AGO3: variants seen among roughly 807,000 people sequenced by gnomAD.
AGO3 encodes the protein argonaute RISC catalytic component 3.
In AGO3, 16 loss-of-function variants were observed where a neutral mutation model predicts 105.5. That is an observed-to-expected ratio of 0.15 (90% CI 0.10 to 0.23). The LOEUF is 0.23. Among genes scored for constraint, AGO3 ranks in the 10% least tolerant of loss-of-function variants. AGO3 has a pLI of 1.00. For synonymous variants in AGO3, 340 were observed against 367.3 expected, an observed-to-expected ratio of 0.93 and a Z score of 0.85; for missense variants, 534 against 1,088.0, an observed-to-expected ratio of 0.49 and a Z score of 7.16.
chr1:36,048,556 C>T lies in AGO3; in HGVS notation c.2274+5008C>T, dbSNP rs1298650425. Among the ~76,000 whole-genome samples, 9 of 151,836 alleles carry T rather than the reference C, an allele frequency of 5.9e-5. No individual in the cohort carries two copies. In the South Asian group the frequency reaches 1.9e-3, roughly 32 times the overall value. On this transcript the variant is annotated intron_variant, in intron 17 of 18. Coordinates refer to ENST00000373191, the MANE Select transcript of AGO3 (RefSeq NM_024852.4). ...TGTTGCTCTACAGAAAACCACCAAC[C>T]CACCATGATAATAAGAAGAAAGGAA...
At chr1:35,954,720 T>C (rs994424232) in intron 2 of AGO3, among the ~76,000 whole-genome samples, 1 of 152,226 alleles carries the variant, frequency 6.6e-6, no homozygotes, top group Non-Finnish European at 1.5e-5. Context: ...TTAAATTCCA[T>C]ATGGAGTGAC....
At chr1:36,054,765 C>G (rs565213414) in intron 17 of AGO3, among the ~76,000 whole-genome samples, 181 bp from the exon 18 acceptor site, 61 of 152,226 alleles carry the variant, frequency 4.0e-4, no homozygotes, top group African/African-American at 1.3e-3. Flanking sequence ...GCCTGTAATC[C>G]CAGCTACTGG....
chr1:36,037,730 A>G (rs1247572387), intron 14 of AGO3, among the ~76,000 whole-genome samples: 1 of 152,160 alleles, frequency 6.6e-6, no homozygotes, highest in South Asian at 2.1e-4. Flanking sequence ...AATGTTATAC[A>G]TGAATTATTT....
rs749909418 is a variant in AGO3, at chr1:36,009,564, A to G, written c.1119A>G (p.Ala373=). ...TGATCAAGGCAACAGCAAGATCTGCACCAGATAGACAAGAGGAAATTAGCA... is the reference window on the plus strand; with the variant it reads ...TGATCAAGGCAACAGCAAGATCTGCGCCAGATAGACAAGAGGAAATTAGCA... ...STMIKATARS[A]PDRQEEISRL... The change falls in exon 9 of 19, where the codon GCA becomes GCG. Residue 373 remains alanine (A), a synonymous_variant. Transcript: ENST00000373191. The G allele has an allele frequency of 1.2e-6, 2 of 1,613,310 alleles. No individual in the cohort carries two copies. Among genetic ancestry groups the G allele is most frequent in the East Asian group, 2.2e-5 (1 of 44,844 alleles).
chr1:35,941,488 A>G (rs1571408810), intron 1 of AGO3, among the ~76,000 whole-genome samples: 1 of 152,222 alleles, frequency 6.6e-6, no homozygotes, highest in Admixed American at 6.5e-5. Flanking sequence ...AAGACTCACA[A>G]TAAAGCTACT....
chr1:36,049,516 CAAAAAAA>C (rs755478576), intron 17 of AGO3, among the ~76,000 whole-genome samples: 1 of 127,820 alleles, frequency 7.8e-6, no homozygotes, highest in African/African-American at 2.9e-5. Context: ...GGCTCTATCT[CAAAAAAA>C]AAAAAAAGAA....
At chr1:35,954,826 A>T (rs2148758589) in intron 2 of AGO3, among the ~76,000 whole-genome samples, 1 of 152,344 alleles carries the variant, frequency 6.6e-6, no homozygotes, top group East Asian at 1.9e-4. Flanking sequence ...ATGGTATTTG[A>T]GCAAAATAAT....
intron 3 of AGO3, among the ~76,000 whole-genome samples, chr1:35,969,296 C>G (rs577452998): frequency 6.6e-6 from 1 of 152,078 alleles, no homozygotes; most frequent in African/African-American, 2.4e-5. Context: ...CATTTTCTTA[C>G]ATTTCACAGG....
chr1:36,021,051 G>A (rs1641193361), intron 11 of AGO3, among the ~76,000 whole-genome samples: 1 of 152,028 alleles, frequency 6.6e-6, no homozygotes, highest in Admixed American at 6.6e-5. Flanking sequence ...TCCTGCCTCA[G>A]CCTCTCGAGT....
chr1:36,041,397 A>G (rs2148850783), intron 16 of AGO3, among the ~76,000 whole-genome samples: 1 of 151,838 alleles, frequency 6.6e-6, no homozygotes. Flanking sequence ...GCCTGCCACC[A>G]TGCCCGGCTA....
rs1643069388 is a variant in AGO3 at position 36,064,815 on chromosome 1, T to A, written c.*9070T>A. The A allele has an allele frequency of 6.6e-6, 1 of 152,218 alleles. No homozygotes were observed. The highest frequency in any genetic ancestry group is 2.4e-5 in the African/African-American group (1 of 41,452). The allele number at this position is 152,218 out of a possible 1,614,324, so 9.4% of individuals were successfully genotyped here. On this transcript the variant is annotated 3_prime_UTR_variant, in exon 19 of 19. Transcript: ENST00000373191. ...CCGCACACATCAAGTACTAATTGTATACAGATAGTACAGATTTGTACTCTG... is the reference window on the plus strand; with the variant it reads ...CCGCACACATCAAGTACTAATTGTAAACAGATAGTACAGATTTGTACTCTG...
At chr1:36,036,081 C>A in intron 13 of AGO3, 96 bp from the exon 14 acceptor site, 1 of 1,099,836 alleles carries the variant, frequency 9.1e-7, no homozygotes, top group Non-Finnish European at 1.4e-6. Flanking sequence ...TTCCTCTGTG[C>A]TGTCAATAAC....
intron 5 of AGO3, among the ~76,000 whole-genome samples, chr1:35,978,934 C>A (rs1647000578): frequency 6.6e-6 from 1 of 152,040 alleles, no homozygotes; most frequent in Admixed American, 6.5e-5. Flanking sequence ...ATATTATTTT[C>A]TAGAAACTCC....
chr1:35,972,086 C>G lies in AGO3; in HGVS notation c.375C>G (p.Ile125Met). 6.2e-7 allele frequency: 1 copy of G among 1,614,078 alleles called. No homozygotes were observed. The highest frequency in any genetic ancestry group is 8.5e-7 in the Non-Finnish European group (1 of 1,180,030). The change falls in exon 4 of 19, where the codon ATC becomes ATG. Residue 125 changes from isoleucine to methionine, a missense_variant. Physicochemically the swap from Ile to Met is conservative, Grantham distance 10 (BLOSUM62 1). Coordinates refer to ENST00000373191, the MANE Select transcript of AGO3 (RefSeq NM_024852.4). ...GGKDRPFKVS[I>M]KFVSRVSWHL... The stretch of plus-strand genomic sequence containing the variant: ...AAGATCGACCTTTCAAGGTGTCAAT[C>G]AAATTTGTCTCTCGGGTGAGTTGGC...
chr1:36,005,760 A>G, intron 6 of AGO3: 1 of 985,420 alleles, frequency 1.0e-6, no homozygotes, highest in South Asian at 4.7e-5. Context: ...CTGCTGCCCG[A>G]AGAGCATGGA....
intron 1 of AGO3, among the ~76,000 whole-genome samples, chr1:35,941,844 CTT>C (rs1346533875): frequency 6.6e-6 from 1 of 152,176 alleles, no homozygotes; most frequent in Non-Finnish European, 1.5e-5. Context: ...AATACAAAAA[CTT>C]AGCCCTGCAT....
chr1:36,013,801 A>G (rs781521214), intron 10 of AGO3, 49 bp downstream of exon 10: 3 of 1,604,344 alleles, frequency 1.9e-6, no homozygotes, highest in African/African-American at 2.7e-5. Flanking sequence ...GTCTGTAAGT[A>G]TGAAGAGAAA....
chr1:36,028,905 T>C (rs919119005), intron 12 of AGO3, among the ~76,000 whole-genome samples: 1 of 152,164 alleles, frequency 6.6e-6, no homozygotes, highest in African/African-American at 2.4e-5. Context: ...GGTCTCAAAC[T>C]CCTGGGCTCA....
intron 6 of AGO3, among the ~76,000 whole-genome samples, chr1:36,007,137 C>G (rs566872347): frequency 6.6e-6 from 1 of 152,170 alleles, no homozygotes; most frequent in Non-Finnish European, 1.5e-5. Context: ...TGCCAAATGT[C>G]CCCTGGGGGA....
Sources: allele counts gnomAD v4.1 joint callset (sites outside exome capture counted in the v4.1 genomes callset), GRCh38; gene constraint gnomAD v4.1.1; transcripts MANE v1.5; gene names NCBI Gene and HGNC (gene_info 2026-07-23, HGNC 2026-07-21).